The following PCDHA2 variants were observed in gnomAD, a reference collection of about 807,000 sequenced individuals.
PCDHA2 encodes protocadherin alpha-2.
A neutral mutation model predicts 66.0 loss-of-function variants in PCDHA2; 58 were observed. The ratio of observed to expected loss-of-function variants is 0.88; its 90% CI spans 0.71 to 1.09. The LOEUF (loss-of-function observed/expected upper bound fraction) is 1.09. Ranked by LOEUF, PCDHA2 falls within the 50% of genes least tolerant of loss-of-function variation. The pLI, the probability that PCDHA2 is intolerant of heterozygous loss-of-function variation, is 0.00. For missense variants in PCDHA2, 1,267 were observed against 1,242.3 expected (o/e 1.02, Z -0.30); for synonymous variants, 634 against 554.0 (o/e 1.14, Z -2.03).
intron 1 of PCDHA2, chr5:140,821,416 A>G (rs1766971363): frequency 5.5e-6 from 1 of 180,776 alleles, no homozygotes; most frequent in African/African-American, 2.4e-5. Flanking sequence ...ATAGAGTTTA[A>G]TGATATATTT....
intron 1 of PCDHA2, among the ~76,000 whole-genome samples, chr5:140,975,492 A>G (rs2153807380): frequency 6.6e-6 from 1 of 152,332 alleles, no homozygotes; most frequent in South Asian, 2.1e-4. Flanking sequence ...ATCAATGTTC[A>G]TAAAATAGCA....
chr5:140,902,750 A>C (rs1367370245), intron 1 of PCDHA2, among the ~76,000 whole-genome samples: 1 of 151,888 alleles, frequency 6.6e-6, no homozygotes. Flanking sequence ...AATCCATTAT[A>C]TCATTCTTAT....
intron 1 of PCDHA2, chr5:140,829,829 C>A: frequency 6.2e-7 from 1 of 1,613,904 alleles, no homozygotes; most frequent in Non-Finnish European, 8.5e-7. Flanking sequence ...AGTGAGCGAG[C>A]TGGTGCCGCG....
At chr5:141,000,429 T>A (rs1327595966) in intron 3 of PCDHA2, among the ~76,000 whole-genome samples, 40 of 124,862 alleles carry the variant, frequency 3.2e-4, no homozygotes, top group African/African-American at 1.1e-3. Flanking sequence ...ATATTTTTTT[T>A]TTTTTTTTTT....
intron 1 of PCDHA2, among the ~76,000 whole-genome samples, chr5:140,955,351 A>G (rs246019): frequency 0.56 from 85,599 of 151,868 alleles, 24,746 homozygotes; most frequent in African/African-American, 0.69. Flanking sequence ...ACATGTTGTG[A>G]GAGGGACCCA....
At chr5:140,943,112 G>A (rs1250060246) in intron 1 of PCDHA2, among the ~76,000 whole-genome samples, 1 of 151,850 alleles carries the variant, frequency 6.6e-6, no homozygotes, top group African/African-American at 2.4e-5. Flanking sequence ...ACAAAAATTA[G>A]CCAGGTGTGG....
intron 1 of PCDHA2, among the ~76,000 whole-genome samples, chr5:140,946,661 G>C (rs2094005923): frequency 7.6e-6 from 1 of 132,422 alleles, no homozygotes; most frequent in Non-Finnish European, 1.6e-5. Flanking sequence ...CCATTAGAAA[G>C]AATGAAATCC....
At chr5:140,822,393 A>G in intron 1 of PCDHA2, 1 of 1,614,138 alleles carries the variant, frequency 6.2e-7, no homozygotes, top group Non-Finnish European at 8.5e-7. Flanking sequence ...AAACACAAGA[A>G]CACCGTTTAT....
In PCDHA2 at chr5:140,927,525, T is replaced by G. The variant is rs782496581; in HGVS notation, c.2389-51424T>G. ...TTACAGCTCGGGACGGCGGGCTACC[T>G]GCCCGCTCAGGAGACGCACAAGTCA... On this transcript the variant is annotated intron_variant, in intron 1 of 3. Transcript: ENST00000526136. 3.1e-6 allele frequency: 5 copies of G among 1,614,088 alleles called. 1 individual carries two copies. In the South Asian group the frequency reaches 5.5e-5, roughly 18 times the overall value.
At chr5:140,891,428 C>G (rs2063097176) in intron 1 of PCDHA2, among the ~76,000 whole-genome samples, 1 of 149,620 alleles carries the variant, frequency 6.7e-6, no homozygotes, top group Admixed American at 6.7e-5. Flanking sequence ...CCCCAAGTCC[C>G]CAACGTCCAT....
At chr5:140,851,427 T>C in intron 1 of PCDHA2, 2 of 945,324 alleles carry the variant, frequency 2.1e-6, no homozygotes, top group Non-Finnish European at 2.6e-6. Flanking sequence ...CCCTAAACTT[T>C]AGAAAACAGT....
At chr5:140,958,135 G>T (rs868969031) in intron 1 of PCDHA2, among the ~76,000 whole-genome samples, 3 of 152,036 alleles carry the variant, frequency 2.0e-5, no homozygotes, top group Non-Finnish European at 4.4e-5. Context: ...GTATCAGTGT[G>T]TATATTTATA....
intron 1 of PCDHA2, chr5:140,802,046 G>T: frequency 6.2e-7 from 1 of 1,614,100 alleles, no homozygotes; most frequent in East Asian, 2.2e-5. Flanking sequence ...CTTTCAATAC[G>T]GACATGTCAG....
At position 140,878,341 on chromosome 5, in the gene PCDHA2, A is replaced by G. The variant is rs980108622; in HGVS notation, c.2388+80989A>G. Reference sequence around the variant, plus strand: ...TTCACATTATATTCCAGGTATTATCACAATAATATAAATGATATGTCTGAC... The same window carrying G: ...TTCACATTATATTCCAGGTATTATCGCAATAATATAAATGATATGTCTGAC... On this transcript the variant is annotated intron_variant, in intron 1 of 3. Coordinates refer to ENST00000526136, the MANE Select transcript of PCDHA2 (RefSeq NM_018905.3). Among the ~76,000 whole-genome samples the G allele has an allele frequency of 2.0e-5, 3 of 152,350 alleles. No homozygotes were observed. In the East Asian group the frequency reaches 5.8e-4, roughly 29 times the overall value.
intron 1 of PCDHA2, among the ~76,000 whole-genome samples, chr5:140,854,874 G>A (rs1554147476): frequency 6.7e-6 from 1 of 149,752 alleles, no homozygotes; most frequent in African/African-American, 2.4e-5. Context: ...TCAGAACTGT[G>A]TCTTTTGGGC....
At position 140,847,437 on chromosome 5, in the gene PCDHA2, C is replaced by T. The variant is rs959002697; in HGVS notation, c.2388+50085C>T. The T allele has an allele frequency of 2.0e-5, 3 of 149,574 alleles. 1 individual carries two copies. The highest frequency in any genetic ancestry group is 4.5e-5 in the Non-Finnish European group (3 of 66,910). 9.3% of individuals were successfully genotyped at this position (149,574 alleles called of 1,614,324 possible). ...CGGTTTTGCCTTTAGACTTGAGATA[C>T]ACTAAAATCTAGATTTAATTAATCG... is the stretch of plus-strand genomic sequence containing the variant. On this transcript the variant is annotated intron_variant, in intron 1 of 3. Coordinates refer to ENST00000526136, the MANE Select transcript of PCDHA2 (RefSeq NM_018905.3).
rs2150210782 is a variant in PCDHA2, at chr5:140,833,751, A to AACAC, written c.2388+36412_2388+36415dup. Among the ~76,000 whole-genome samples the AACAC allele has an allele frequency of 5.0e-4, 75 of 151,354 alleles. 1 individual carries two copies. Among genetic ancestry groups the AACAC allele is most frequent in the Middle Eastern group, 3.4e-3 (1 of 294 alleles). ...AATGTTTCTTGCCTCCTAAAAAGAA[A>AACAC]ACACACACACACACACCGCTTTCTA... On this transcript the variant is annotated intron_variant, in intron 1 of 3. Coordinates refer to ENST00000526136, the MANE Select transcript of PCDHA2 (RefSeq NM_018905.3).
chr5:140,802,449 G>T (rs149312681), intron 1 of PCDHA2: 5 of 1,614,202 alleles, frequency 3.1e-6, no homozygotes, highest in East Asian at 2.2e-5. Context: ...CCGCGAGAGC[G>T]TGTCGGCCTA....
intron 1 of PCDHA2, chr5:140,842,788 G>C: frequency 6.3e-7 from 1 of 1,594,522 alleles, no homozygotes; most frequent in Non-Finnish European, 8.6e-7. Context: ...AGAACGCGCT[G>C]GTGTCCTACT....
Sources: gnomAD v4.1 joint callset for allele counts (sites outside exome capture counted in the v4.1 genomes callset) on GRCh38, gnomAD v4.1.1 for gene constraint, MANE v1.5 for transcripts, NCBI Gene and HGNC (gene_info 2026-07-23, HGNC 2026-07-21) for gene names.